EXOC4: variants seen among roughly 807,000 people sequenced by gnomAD.
The protein encoded by EXOC4 is exocyst complex component 4.
In EXOC4, 71 loss-of-function variants were observed where a neutral mutation model predicts 107.2. The observed-to-expected ratio is 0.66, with a 90% CI of 0.55 to 0.81. The LOEUF is 0.81. Ranked by LOEUF, EXOC4 falls within the 30% of genes least tolerant of loss-of-function variation. The pLI, the probability that EXOC4 is intolerant of heterozygous loss-of-function variation, is 0.00. For synonymous variants in EXOC4, 456 were observed against 441.2 expected, an observed-to-expected ratio of 1.03 and a Z score of -0.42; for missense variants, 1,108 against 1,189.6, an observed-to-expected ratio of 0.93 and a Z score of 1.01.
chr7:133,680,587 C>T (rs988584568), intron 10 of EXOC4, among the ~76,000 whole-genome samples: 4 of 152,166 alleles, frequency 2.6e-5, no homozygotes, highest in Non-Finnish European at 5.9e-5. Context: ...GAACTCTCCA[C>T]CCCCATCTTG....
At position 133,890,275 on chromosome 7, in the gene EXOC4, T is replaced by G. The variant is rs1286992647; in HGVS notation, c.1735-5324T>G. ...GCCCACTTTTTGATAGGGTTGTTTG[T>G]TTTTTTCTTGTAAATTTGTTTGAGT... On this transcript the variant is annotated intron_variant, in intron 11 of 17. Coordinates refer to ENST00000253861, the MANE Select transcript of EXOC4 (RefSeq NM_021807.4). Among the ~76,000 whole-genome samples, 12 of 77,120 alleles carry G rather than the reference T, an allele frequency of 1.6e-4. 3 individuals carry two copies. Among genetic ancestry groups the G allele is most frequent in the Middle Eastern group, 6.3e-3 (1 of 160 alleles). The allele number at this position is 77,120 out of a possible 152,430, so 50.6% of individuals were successfully genotyped here. A position where few individuals can be genotyped will look rare whatever the true frequency, so the allele number is the denominator to read the frequency against.
chr7:133,290,026 T>A (rs1259415166), intron 3 of EXOC4, among the ~76,000 whole-genome samples: 2 of 152,222 alleles, frequency 1.3e-5, no homozygotes, highest in Non-Finnish European at 2.9e-5. Context: ...ATGCTCTAAG[T>A]GGTTCTAATT....
intron 14 of EXOC4, among the ~76,000 whole-genome samples, chr7:133,991,311 A>G (rs899777055): frequency 6.6e-6 from 1 of 151,340 alleles, no homozygotes; most frequent in Non-Finnish European, 1.5e-5. Context: ...TGTTTTTGCT[A>G]TTGAGTTGTT....
intron 3 of EXOC4, among the ~76,000 whole-genome samples, chr7:133,294,410 C>G (rs1210207432): frequency 2.0e-5 from 3 of 152,118 alleles, no homozygotes; most frequent in African/African-American, 7.2e-5. Context: ...GGAAACCAAG[C>G]CAGTGCAAAT....
chr7:133,823,897 A>ATATATATAT (rs1797627592), intron 11 of EXOC4, among the ~76,000 whole-genome samples: 1 of 26,396 alleles, frequency 3.8e-5, no homozygotes, highest in African/African-American at 4.5e-4. Flanking sequence ...TATATATTTT[A>ATATATATAT]TATATATATA....
chr7:133,432,965 T>C (rs1242766630), intron 7 of EXOC4, among the ~76,000 whole-genome samples: 3 of 152,216 alleles, frequency 2.0e-5, no homozygotes, highest in Non-Finnish European at 2.9e-5. Flanking sequence ...TGTCAACAGA[T>C]TTCTGAGACA....
intron 7 of EXOC4, among the ~76,000 whole-genome samples, chr7:133,451,486 C>G (rs1328295286): frequency 2.6e-5 from 3 of 116,562 alleles, no homozygotes; most frequent in African/African-American, 1.1e-4. Context: ...AGATAATTTA[C>G]TAATATTTTA....
intron 13 of EXOC4, 94 bp downstream of exon 13, chr7:133,917,832 A>G: frequency 8.1e-7 from 1 of 1,233,358 alleles, no homozygotes; most frequent in South Asian, 1.6e-5. Flanking sequence ...GCAAATTCTA[A>G]AAATCAAGCA....
At chr7:133,924,573 GA>G (rs1800010065) in intron 13 of EXOC4, among the ~76,000 whole-genome samples, 1 of 152,070 alleles carries the variant, frequency 6.6e-6, no homozygotes, top group Non-Finnish European at 1.5e-5. Flanking sequence ...TCTTAAATTT[GA>G]AGGCAAAACA....
intron 10 of EXOC4, among the ~76,000 whole-genome samples, chr7:133,787,457 T>A (rs979291606): frequency 6.6e-6 from 1 of 151,916 alleles, no homozygotes; most frequent in African/African-American, 2.4e-5. Flanking sequence ...GTTAAATCAT[T>A]TAATCCCTCA....
At chr7:133,539,461 GA>G (rs1489636769) in intron 9 of EXOC4, among the ~76,000 whole-genome samples, 1 of 151,862 alleles carries the variant, frequency 6.6e-6, no homozygotes, top group Non-Finnish European at 1.5e-5. Context: ...TATTAACTCT[GA>G]AATGAACTTC....
At chr7:133,629,404 G>GTCA (rs1452121053) in intron 9 of EXOC4, among the ~76,000 whole-genome samples, 2 of 152,248 alleles carry the variant, frequency 1.3e-5, no homozygotes, top group East Asian at 3.9e-4. Context: ...ATGGACACTG[G>GTCA]TCATTAGAGA....
chr7:133,476,191 A>G (rs1264434950), intron 8 of EXOC4, among the ~76,000 whole-genome samples: 1 of 152,180 alleles, frequency 6.6e-6, no homozygotes, highest in Non-Finnish European at 1.5e-5. Context: ...AGTGCTAATC[A>G]AGGCATTAAA....
At chr7:133,558,191 C>CTTTTCTTTTCTTTTCTTTTT (rs1563107367) in intron 9 of EXOC4, among the ~76,000 whole-genome samples, 23 of 72,534 alleles carry the variant, frequency 3.2e-4, no homozygotes, top group African/African-American at 1.1e-3. Flanking sequence ...GGTTCCTTCT[C>CTTTTCTTTTCTTTTCTTTTT]TTTTCTTTTC....
intron 14 of EXOC4, among the ~76,000 whole-genome samples, chr7:133,959,439 G>A (rs1800890384): frequency 6.6e-6 from 1 of 151,408 alleles, no homozygotes. Flanking sequence ...AAATATCCAT[G>A]AAGGTGGAAA....
intron 9 of EXOC4, among the ~76,000 whole-genome samples, chr7:133,613,130 T>G (rs1212886589): frequency 6.6e-6 from 1 of 152,174 alleles, no homozygotes; most frequent in Non-Finnish European, 1.5e-5. Context: ...AAACTATATA[T>G]TGATATTAGT....
chr7:133,947,197 T>C (rs1800574060), intron 14 of EXOC4, among the ~76,000 whole-genome samples: 1 of 152,232 alleles, frequency 6.6e-6, no homozygotes, highest in Admixed American at 6.5e-5. Flanking sequence ...CTTAGCAGTG[T>C]GTGATACACA....
chr7:133,916,618 G>A (rs1413267732), intron 12 of EXOC4, among the ~76,000 whole-genome samples: 2 of 152,108 alleles, frequency 1.3e-5, no homozygotes, highest in Non-Finnish European at 2.9e-5. Flanking sequence ...GTTGGGTCAA[G>A]GAGGTATCAT....
chr7:133,989,724 G>A (rs1174291485), intron 14 of EXOC4, among the ~76,000 whole-genome samples: 1 of 152,178 alleles, frequency 6.6e-6, no homozygotes, highest in Non-Finnish European at 1.5e-5. Flanking sequence ...AAAGGTGAGG[G>A]CAGAGTCAGA....
Sources: gnomAD v4.1 joint callset for allele counts (sites outside exome capture counted in the v4.1 genomes callset) on GRCh38, gnomAD v4.1.1 for gene constraint, MANE v1.5 for transcripts, NCBI Gene and HGNC (gene_info 2026-07-23, HGNC 2026-07-21) for gene names.